ELAVL2: variants seen among roughly 807,000 people sequenced by gnomAD.
ELAVL2 encodes ELAV-like protein 2.
In ELAVL2, 4 loss-of-function variants were observed where a neutral mutation model predicts 34.6. The observed-to-expected ratio is 0.12, with a 90% CI of 0.06 to 0.26. ELAVL2 has a LOEUF of 0.26. Ranked by LOEUF, ELAVL2 falls within the 10% of genes least tolerant of loss-of-function variation. The pLI, the probability that ELAVL2 is intolerant of heterozygous loss-of-function variation, is 1.00. For synonymous variants in ELAVL2, 193 were observed against 154.8 expected (o/e 1.25, Z -1.83); for missense variants, 432 against 442.8 (o/e 0.98, Z 0.22).
intron 3 of ELAVL2, among the ~76,000 whole-genome samples, chr9:23,718,736 TAGTG>T (rs1247985456): frequency 6.6e-6 from 1 of 152,224 alleles, no homozygotes; most frequent in African/African-American, 2.4e-5. Flanking sequence ...CCTGAAACAT[TAGTG>T]AGTGTTGTTT....
intron 1 of ELAVL2, among the ~76,000 whole-genome samples, chr9:23,790,188 G>T (rs770122671): frequency 3.9e-5 from 6 of 152,090 alleles, no homozygotes; most frequent in African/African-American, 1.4e-4. Flanking sequence ...CAAAACAGAT[G>T]TAACAGGTGT....
At chr9:23,716,672 A>G (rs1288637495) in intron 3 of ELAVL2, among the ~76,000 whole-genome samples, 1 of 152,234 alleles carries the variant, frequency 6.6e-6, no homozygotes, top group African/African-American at 2.4e-5. Flanking sequence ...CGTTGCCCTC[A>G]GAGAGCAGAC....
At chr9:23,847,418 T>G in the ELAVL2 span, 1 of 152,120 alleles carries the variant, frequency 6.6e-6, no homozygotes, top group Non-Finnish European at 1.5e-5. Flanking sequence ...AGTGAGTCAC[T>G]GTCATTGGAA....
intron 2 of ELAVL2, among the ~76,000 whole-genome samples, chr9:23,743,692 T>C (rs1217454083): frequency 1.3e-5 from 2 of 152,192 alleles, no homozygotes; most frequent in Non-Finnish European, 2.9e-5. Flanking sequence ...AATTTTAACA[T>C]ATTACCATTT....
chr9:23,810,097 G>A (rs2062779877), intron 1 of ELAVL2, among the ~76,000 whole-genome samples: 1 of 152,042 alleles, frequency 6.6e-6, no homozygotes, highest in African/African-American at 2.4e-5. Context: ...CAATGAGCCA[G>A]GGTTATCTCA....
At chr9:23,792,842 C>T (rs960139789) in intron 1 of ELAVL2, among the ~76,000 whole-genome samples, 3 of 152,152 alleles carry the variant, frequency 2.0e-5, no homozygotes, top group African/African-American at 4.8e-5. Context: ...GTGGTCACAG[C>T]TCACGGTGGC....
intron 1 of ELAVL2, among the ~76,000 whole-genome samples, chr9:23,819,735 A>C (rs1190447607): frequency 6.6e-6 from 1 of 152,202 alleles, no homozygotes; most frequent in Non-Finnish European, 1.5e-5. Context: ...CACAAAAATA[A>C]AAATACTCTC....
intron 1 of ELAVL2, among the ~76,000 whole-genome samples, chr9:23,800,825 C>T (rs905439593): frequency 2.0e-5 from 3 of 152,108 alleles, no homozygotes; most frequent in African/African-American, 4.8e-5. Context: ...TCATCTGATA[C>T]GGGTGCCTTC....
Position 23,692,540 on chromosome 9 carries a change from C to T in ELAVL2, c.*17G>A, listed in dbSNP as rs977174796. On this transcript the variant is annotated 3_prime_UTR_variant, in exon 7 of 7. Transcript: ENST00000397312. The stretch of plus-strand genomic sequence containing the variant: ...TGTATAGTTTTCATATATAAATGGA[C>T]TGAGGACAAGAGCTCATTAGGCTTT... 1.2e-6 allele frequency: 2 copies of T among 1,600,332 alleles called. No homozygotes were observed. The highest frequency in any genetic ancestry group is 2.7e-5 in the African/African-American group (2 of 74,548).
chr9:23,705,370 G>C (rs1166057265), intron 3 of ELAVL2, among the ~76,000 whole-genome samples: 1 of 152,186 alleles, frequency 6.6e-6, no homozygotes, highest in Non-Finnish European at 1.5e-5. Context: ...TACTAAAAAT[G>C]GTCAATGGGT....
At chr9:23,750,547 A>G (rs945520274) in intron 2 of ELAVL2, among the ~76,000 whole-genome samples, 3 of 152,250 alleles carry the variant, frequency 2.0e-5, no homozygotes, top group African/African-American at 7.2e-5. Flanking sequence ...TATAATGGCA[A>G]AATCACTTGG....
chr9:23,699,888 G>A (rs1854442), intron 5 of ELAVL2, among the ~76,000 whole-genome samples: 26,945 of 134,082 alleles, frequency 0.2, 2,883 homozygotes, highest in South Asian at 0.4. Context: ...AGAGCATGAA[G>A]TACAAGGCTC....
At chr9:23,758,830 T>C (rs888146371) in intron 2 of ELAVL2, among the ~76,000 whole-genome samples, 27 of 152,174 alleles carry the variant, frequency 1.8e-4, no homozygotes, top group African/African-American at 6.5e-4. Flanking sequence ...GTATGGATCT[T>C]AAATAAAGAA....
At chr9:23,755,659 G>A (rs2053374618) in intron 2 of ELAVL2, among the ~76,000 whole-genome samples, 2 of 152,212 alleles carry the variant, frequency 1.3e-5, no homozygotes, top group South Asian at 4.1e-4. Context: ...AGATTCAAAT[G>A]TACTGTATTC....
At chr9:23,752,294 C>A (rs2052294192) in intron 2 of ELAVL2, among the ~76,000 whole-genome samples, 1 of 152,026 alleles carries the variant, frequency 6.6e-6, no homozygotes, top group Non-Finnish European at 1.5e-5. Context: ...CCAAGTGTAA[C>A]AATGTTCTAA....
At chr9:23,718,521 A>G (rs1587646770) in intron 3 of ELAVL2, among the ~76,000 whole-genome samples, 1 of 152,198 alleles carries the variant, frequency 6.6e-6, no homozygotes, top group Non-Finnish European at 1.5e-5. Flanking sequence ...CAAACACTGC[A>G]GATTGCTTAT....
At chr9:23,732,241 A>C (rs1264335148) in intron 2 of ELAVL2, among the ~76,000 whole-genome samples, 2 of 152,192 alleles carry the variant, frequency 1.3e-5, no homozygotes, top group Non-Finnish European at 2.9e-5. Flanking sequence ...GTGGTTATCA[A>C]TGTGGGTTTT....
chr9:23,752,471 G>GTT lies in ELAVL2; in HGVS notation c.229+9533_229+9534dup, dbSNP rs375710254. On this transcript the variant is annotated intron_variant, in intron 2 of 6. Transcript: ENST00000397312. ...ACTACCACTTAAGAAACTTTTTTTT[G>GTT]TTTTTTTTTTTTGAGATAGAGTCTC... is the stretch of plus-strand genomic sequence containing the variant. 1.0e-3 allele frequency among the ~76,000 whole-genome samples: 149 copies of GTT among 143,808 alleles called. 2 individuals are homozygous for GTT. The highest frequency in any genetic ancestry group is 2.9e-3 in the South Asian group (13 of 4,540). 94.3% of individuals were successfully genotyped at this position (143,808 alleles called of 152,430 possible).
intron 2 of ELAVL2, among the ~76,000 whole-genome samples, chr9:23,757,180 G>C (rs1480339718): frequency 6.6e-6 from 1 of 152,060 alleles, no homozygotes; most frequent in South Asian, 2.1e-4. Flanking sequence ...TGGTGTATTC[G>C]TCAGTCCTTA....
Sources: gnomAD v4.1 joint callset for allele counts (sites outside exome capture counted in the v4.1 genomes callset) on GRCh38, gnomAD v4.1.1 for gene constraint, MANE v1.5 for transcripts, NCBI Gene and HGNC (gene_info 2026-07-23, HGNC 2026-07-21) for gene names.